RPSA2: variants seen among roughly 807,000 people sequenced by gnomAD.
RPSA2 encodes the protein ribosomal protein SA 2, also known as small ribosomal subunit protein uS2B.
chr19:23,870,511 A>G, the RPSA2 span, among the ~76,000 whole-genome samples: 1 of 91,984 alleles, frequency 1.1e-5, no homozygotes, highest in East Asian at 3.4e-4. Flanking sequence ...ATCACCTTTG[A>G]CATTGGTGAA....
the RPSA2 span, among the ~76,000 whole-genome samples, chr19:23,824,184 A>G: frequency 6.6e-6 from 1 of 152,226 alleles, no homozygotes; most frequent in African/African-American, 2.4e-5. Flanking sequence ...TTAAACAGTG[A>G]CAGGTTATGC....
chr19:23,859,233 C>T, the RPSA2 span, among the ~76,000 whole-genome samples: 4 of 152,304 alleles, frequency 2.6e-5, no homozygotes, highest in African/African-American at 9.6e-5. Flanking sequence ...CTGCTACGTA[C>T]AAACATGACA....
the RPSA2 span, among the ~76,000 whole-genome samples, chr19:23,855,358 A>G: frequency 2.0e-5 from 3 of 152,210 alleles, no homozygotes; most frequent in African/African-American, 7.2e-5. Context: ...CAGTACAAAG[A>G]GTCTGTAATA....
chr19:23,846,022 AC>A, the RPSA2 span, among the ~76,000 whole-genome samples: 1 of 152,316 alleles, frequency 6.6e-6, no homozygotes, highest in African/African-American at 2.4e-5. Flanking sequence ...GAATTTCTCC[AC>A]TATTATTGTG....
chr19:23,777,475 G>A, the RPSA2 span, among the ~76,000 whole-genome samples: 1 of 152,092 alleles, frequency 6.6e-6, no homozygotes, highest in African/African-American at 2.4e-5. Flanking sequence ...CTTAGGTGAT[G>A]TAACTCACCT....
chr19:23,864,371 A>G, the RPSA2 span, among the ~76,000 whole-genome samples: 1 of 152,178 alleles, frequency 6.6e-6, no homozygotes, highest in Non-Finnish European at 1.5e-5. Flanking sequence ...TTCTACTTTC[A>G]TTCACTTAAT....
At chr19:23,759,522 G>GTTTTTTTTTT in the RPSA2 span, among the ~76,000 whole-genome samples, 623 of 88,980 alleles carry the variant, frequency 7.0e-3, 34 homozygotes, top group African/African-American at 9.7e-3. Flanking sequence ...TATATATCAG[G>GTTTTTTTTTT]TTTTTTTTTT....
the RPSA2 span, among the ~76,000 whole-genome samples, chr19:23,795,599 A>G: frequency 6.6e-6 from 1 of 151,972 alleles, no homozygotes; most frequent in East Asian, 1.9e-4. Context: ...TTCCAGACAT[A>G]GAGTTATGTT....
At chr19:23,815,705 T>C in the RPSA2 span, among the ~76,000 whole-genome samples, 3 of 152,206 alleles carry the variant, frequency 2.0e-5, no homozygotes, top group Admixed American at 2.0e-4. Context: ...TTCTTGTTGA[T>C]TTTTTAATCT....
At chr19:23,838,059 C>T in the RPSA2 span, among the ~76,000 whole-genome samples, 6 of 152,094 alleles carry the variant, frequency 3.9e-5, no homozygotes, top group Admixed American at 1.3e-4. Context: ...TCCCCATTCA[C>T]TATTATGTTG....
At chr19:23,761,921 T>TCTCTCTCTCTCTCTCGCTCTCTCTC in the RPSA2 span, among the ~76,000 whole-genome samples, 1 of 76,142 alleles carries the variant, frequency 1.3e-5, no homozygotes, top group Non-Finnish European at 2.6e-5. Context: ...TCTTTCTTTC[T>TCTCTCTCTCTCTCTCGCTCTCTCTC]TTTTTTTTTT....
chr19:23,848,843 G>A, the RPSA2 span, among the ~76,000 whole-genome samples: 1 of 152,188 alleles, frequency 6.6e-6, no homozygotes, highest in Non-Finnish European at 1.5e-5. Flanking sequence ...TTGACAAAAT[G>A]AGCCATTTGA....
At chr19:23,760,581 C>T in the RPSA2 span, among the ~76,000 whole-genome samples, 2 of 151,726 alleles carry the variant, frequency 1.3e-5, no homozygotes, top group Non-Finnish European at 2.9e-5. Flanking sequence ...GTAGCAGCCA[C>T]ACTCACCTTT....
At chr19:23,826,033 A>AAAAAC in the RPSA2 span, among the ~76,000 whole-genome samples, 2 of 150,906 alleles carry the variant, frequency 1.3e-5, no homozygotes, top group African/African-American at 4.9e-5. Flanking sequence ...TTTCTTGTCA[A>AAAAAC]AAAAAAACAA....
chr19:23,848,598 GAGA>G, the RPSA2 span, among the ~76,000 whole-genome samples: 1 of 152,174 alleles, frequency 6.6e-6, no homozygotes, highest in Admixed American at 6.5e-5. Flanking sequence ...CTTCCCTACT[GAGA>G]AGGTGTCCTT....
At chr19:23,864,554 G>A in the RPSA2 span, among the ~76,000 whole-genome samples, 1 of 152,004 alleles carries the variant, frequency 6.6e-6, no homozygotes, top group African/African-American at 2.4e-5. Context: ...AGCATACATG[G>A]TCACCACTAT....
the RPSA2 span, among the ~76,000 whole-genome samples, chr19:23,855,801 G>T: frequency 1.3e-5 from 2 of 152,220 alleles, no homozygotes; most frequent in East Asian, 3.9e-4. Flanking sequence ...TGACAGGAGG[G>T]TGAGGAGCTG....
the RPSA2 span, among the ~76,000 whole-genome samples, chr19:23,774,885 A>AT: frequency 6.6e-6 from 1 of 152,168 alleles, no homozygotes; most frequent in Non-Finnish European, 1.5e-5. Flanking sequence ...AGATTGTGAC[A>AT]TATCCCTGGC....
the RPSA2 span, chr19:23,827,114 A>T: frequency 1.3e-6 from 1 of 753,556 alleles, no homozygotes; most frequent in Non-Finnish European, 2.3e-6. Context: ...AGGGGTCCAT[A>T]CGGCGTTGTT....
Sources: gnomAD v4.1 joint callset for allele counts (sites outside exome capture counted in the v4.1 genomes callset) on GRCh38, gnomAD v4.1.1 for gene constraint, MANE v1.5 for transcripts, NCBI Gene and HGNC (gene_info 2026-07-23, HGNC 2026-07-21) for gene names.